The following BAZ2A variants were observed in gnomAD, a reference collection of about 807,000 sequenced individuals.
BAZ2A encodes bromodomain adjacent to zinc finger domain protein 2A.
In BAZ2A, 34 loss-of-function variants were observed where a neutral mutation model predicts 199.9. The ratio of observed to expected loss-of-function variants is 0.17; its 90% confidence interval spans 0.13 to 0.23. BAZ2A has a LOEUF of 0.23. Among genes scored for constraint, BAZ2A ranks in the 10% least tolerant of loss-of-function variants. The pLI is 1.00. For synonymous variants in BAZ2A, 857 were observed against 883.9 expected, an observed-to-expected ratio of 0.97 and a Z score of 0.54; for missense variants, 2,002 against 2,391.1, an observed-to-expected ratio of 0.84 and a Z score of 3.39.
At chr12:56,617,939 C>T (rs970784996) in intron 1 of BAZ2A, among the ~76,000 whole-genome samples, 9 of 152,298 alleles carry the variant, frequency 5.9e-5, no homozygotes, top group African/African-American at 2.2e-4. Context: ...CCCAGGCCCA[C>T]AAAAGGTTCT....
At chr12:56,623,343 T>C (rs1307854603) in intron 1 of BAZ2A, among the ~76,000 whole-genome samples, 1 of 152,094 alleles carries the variant, frequency 6.6e-6, no homozygotes. Context: ...CCCTCCAGCC[T>C]CTGAGGCTAC....
chr12:56,597,563 C>CACACACACACAA lies in BAZ2A; in HGVS notation c.*1054_*1055insTTGTGTGTGTGT, dbSNP rs1565800241. 4 of 3,156 alleles carry CACACACACACAA rather than the reference C, an allele frequency of 1.3e-3. No homozygotes were observed. 0.2% of individuals were successfully genotyped at this position (3,156 alleles called of 1,614,324 possible). ...CAAACAATACAGGGTCACAAGCACG[C>CACACACACACAA]ACACACACACACACACACAGCGCGC... On this transcript the variant is annotated 3_prime_UTR_variant, in exon 29 of 29. Coordinates refer to ENST00000549884, the MANE Select transcript of BAZ2A (RefSeq NM_001300905.2).
intron 5 of BAZ2A, 51 bp from the exon 6 acceptor site, chr12:56,612,297 T>C (rs1950583300): frequency 6.9e-7 from 1 of 1,455,398 alleles, no homozygotes; most frequent in African/African-American, 1.4e-5. Context: ...AGGCATCACA[T>C]AAAACAAGAG....
intron 10 of BAZ2A, among the ~76,000 whole-genome samples, chr12:56,608,015 G>A (rs917929922): frequency 1.8e-4 from 27 of 151,472 alleles, no homozygotes; most frequent in African/African-American, 5.6e-4. Flanking sequence ...GGGAGGTTGC[G>A]GTGAGCCAAG....
At chr12:56,632,169 G>A (rs183540992), upstream of BAZ2A, among the ~76,000 whole-genome samples, 12 of 152,304 alleles carry the variant, frequency 7.9e-5, no homozygotes, top group South Asian at 8.3e-4. Flanking sequence ...TGAGTAAGTA[G>A]AGGTCACACT....
At chr12:56,638,053 C>T (rs1951483465), upstream of BAZ2A, 1 of 357,306 alleles carries the variant, frequency 2.8e-6, no homozygotes, top group Non-Finnish European at 5.1e-6. Context: ...TGGGAGATCT[C>T]GAGCCCAGGA....
rs3041374 is a variant in BAZ2A, at chr12:56,596,033, CTTTTT to C, written c.*2580_*2584del. The C allele has an allele frequency of 6.7e-6, 1 of 149,502 alleles. No individual in the cohort carries two copies. The highest frequency in any genetic ancestry group is 2.5e-5 in the African/African-American group (1 of 40,232). The allele number at this position is 149,502 out of a possible 1,614,324, so 9.3% of individuals were successfully genotyped here. A position where few individuals can be genotyped will look rare whatever the true frequency, so the allele number is the denominator to read the frequency against. The stretch of plus-strand genomic sequence containing the variant: ...CAAAAACAGGAGTTTTTTCGCTAGA[CTTTTT>C]TTTTCTTTTTAACCTTATTAAAAAT... On this transcript the variant is annotated 3_prime_UTR_variant, in exon 29 of 29. Transcript: ENST00000549884.
intron 1 of BAZ2A, among the ~76,000 whole-genome samples, chr12:56,625,154 CTTTTTTTTT>C (rs1002458672): frequency 1.8e-5 from 2 of 108,112 alleles, no homozygotes; most frequent in African/African-American, 7.6e-5. Flanking sequence ...CTTAGAATTT[CTTTTTTTTT>C]TTTTTTTTTT....
intron 19 of BAZ2A, 101 bp from the exon 20 acceptor site, chr12:56,602,293 T>A: frequency 9.3e-7 from 1 of 1,070,460 alleles, no homozygotes; most frequent in Non-Finnish European, 1.3e-6. Flanking sequence ...CTCTTGGACT[T>A]AGTCCCCCTT....
rs768336282 is a variant in BAZ2A at position 56,612,171 on chromosome 12, G to A, written c.1211C>T (p.Pro404Leu). Residue 404 changes from proline (P) to leucine (L), a missense_variant, in exon 6 of 29, where the codon CCA becomes CTA. By Grantham distance (98) the Pro-to-Leu change is moderately conservative. Around this residue, in one of 6 missense-constraint regions of BAZ2A, gnomAD observed 641 missense variants for 694.5 expected, o/e 0.92. Transcript: ENST00000549884. ...ATCAGGAGCTGGCTGGGTCAGGGAT[G>A]GTGGGAAGTCTGAAGATTGAGTTTC... ...EMETQSSDFP[P>L]SLTQPAPDQS... 3 of 1,613,810 alleles carry A rather than the reference G, an allele frequency of 1.9e-6. No homozygotes were observed. The highest frequency in any genetic ancestry group is 2.5e-6 in the Non-Finnish European group (3 of 1,179,860).
In BAZ2A at chr12:56,609,961, G is replaced by A; in HGVS notation, c.1882-15C>T. On this transcript the variant is annotated splice_polypyrimidine_tract_variant and intron_variant, in intron 9 of 28. Coordinates refer to ENST00000549884, the MANE Select transcript of BAZ2A (RefSeq NM_001300905.2). ...CACTGCAAGCCCTAAGGTAGCAAGGGAGACTGTTACAGTAGTAAGGAATCA... is the reference window on the plus strand; with the variant it reads ...CACTGCAAGCCCTAAGGTAGCAAGGAAGACTGTTACAGTAGTAAGGAATCA... 1.2e-6 allele frequency: 2 copies of A among 1,611,140 alleles called. No individual in the cohort carries two copies. The highest frequency in any genetic ancestry group is 1.7e-6 in the Non-Finnish European group (2 of 1,179,248).
In BAZ2A at chr12:56,597,600, G is replaced by GAC. The variant is rs781134279; in HGVS notation, c.*1016_*1017dup. The GAC allele has an allele frequency of 0.099, 8,029 of 81,510 alleles. 292 individuals are homozygous for GAC. Among genetic ancestry groups the GAC allele is most frequent in the Non-Finnish European group, 0.11 (3,869 of 33,988 alleles). 5.0% of individuals were successfully genotyped at this position (81,510 alleles called of 1,614,324 possible). On this transcript the variant is annotated 3_prime_UTR_variant, in exon 29 of 29. Coordinates refer to ENST00000549884, the MANE Select transcript of BAZ2A (RefSeq NM_001300905.2). Reference sequence around the variant, plus strand: ...CACACACAGCGCGCGCTCTGAGGCTGACACACACACACACACACACAGCGC... The same window carrying GAC: ...CACACACAGCGCGCGCTCTGAGGCTGACACACACACACACACACACACAGCGC...
At chr12:56,609,668 G>A in intron 10 of BAZ2A, 68 bp downstream of exon 10, 5 of 1,457,304 alleles carry the variant, frequency 3.4e-6, no homozygotes, top group Non-Finnish European at 4.7e-6. Flanking sequence ...CCAGGTATTA[G>A]CAATTCATCA....
At position 56,599,109 on chromosome 12, in the gene BAZ2A, C is replaced by G. The variant is rs1436813500; in HGVS notation, c.5402+20G>C. 1.9e-6 allele frequency: 3 copies of G among 1,603,376 alleles called. No homozygotes were observed. Among genetic ancestry groups the G allele is most frequent in the East Asian group, 2.2e-5 (1 of 44,516 alleles). On this transcript the variant is annotated intron_variant, in intron 27 of 28. Transcript: ENST00000549884. ...GGCAGAGGTAGAGCCAACTGTCCCCCCAGGATTCACTCAACTCACTCGCAA... is the reference window on the plus strand; with the variant it reads ...GGCAGAGGTAGAGCCAACTGTCCCCGCAGGATTCACTCAACTCACTCGCAA...
chr12:56,621,016 G>A, intron 1 of BAZ2A: 2 of 960,498 alleles, frequency 2.1e-6, no homozygotes, highest in Non-Finnish European at 2.5e-6. Flanking sequence ...ATACCACAGA[G>A]CAAGGAGGAC....
chr12:56,606,409 G>C, intron 11 of BAZ2A, 97 bp from the exon 12 acceptor site: 1 of 1,434,200 alleles, frequency 7.0e-7, no homozygotes, highest in Non-Finnish European at 9.8e-7. Context: ...GGGAGGAGAG[G>C]TGAGAGATGG....
At position 56,613,179 on chromosome 12, in the gene BAZ2A, T is replaced by C; in HGVS notation, c.971A>G (p.Glu324Gly). 6.2e-7 allele frequency: 1 copy of C among 1,614,038 alleles called. No individual in the cohort carries two copies. The highest frequency in any genetic ancestry group is 8.5e-7 in the Non-Finnish European group (1 of 1,179,896). The change falls in exon 5 of 29, where the codon GAG becomes GGG. Residue 324 changes from glutamate to glycine, a missense_variant. By Grantham distance (98) the Glu-to-Gly change is moderately conservative (BLOSUM62 -2). This residue lies in a region of BAZ2A where 641 missense variants were observed against 694.5 expected (regional missense o/e 0.92). Transcript: ENST00000549884. ...GCTGTCCTCAAGAGGCAGCTTGTCCTCTGCACCCATCAGCTCCGTGTCATC... is the reference window on the plus strand; with the variant it reads ...GCTGTCCTCAAGAGGCAGCTTGTCCCCTGCACCCATCAGCTCCGTGTCATC... ...GIDDTELMGA[E>G]DKLPLEDSPV...
chr12:56,637,489 G>C (rs1951475419), upstream of BAZ2A, among the ~76,000 whole-genome samples: 1 of 152,130 alleles, frequency 6.6e-6, no homozygotes, highest in South Asian at 2.1e-4. Context: ...TAGCCTCAAG[G>C]AATCACAAGC....
At chr12:56,625,255 A>G (rs1951050225) in intron 1 of BAZ2A, among the ~76,000 whole-genome samples, 1 of 148,712 alleles carries the variant, frequency 6.7e-6, no homozygotes, top group Non-Finnish European at 1.5e-5. Context: ...TCCCCGGTTC[A>G]AGCAATTCTC....
Sources: gnomAD v4.1 joint callset for allele counts (sites outside exome capture counted in the v4.1 genomes callset) on GRCh38, gnomAD v4.1.1 for gene constraint, gnomAD v4.1.1 regional missense constraint, MANE v1.5 for transcripts, NCBI Gene and HGNC (gene_info 2026-07-23, HGNC 2026-07-21) for gene names.